Variants in SLC25A48 observed in about 807,000 individuals in gnomAD.
SLC25A48 encodes CTC-321K16.1.
A neutral mutation model predicts 32.2 loss-of-function variants in SLC25A48; 29 were observed. The ratio of observed to expected loss-of-function variants is 0.90; its 90% CI spans 0.67 to 1.23. The LOEUF is 1.23. Among genes scored for constraint, SLC25A48 ranks in the 50% most tolerant of loss-of-function variants. The pLI is 0.00. For synonymous variants in SLC25A48, 164 were observed against 172.3 expected (o/e 0.95, Z 0.38); for missense variants, 399 against 422.7 (o/e 0.94, Z 0.49).
intron 3 of SLC25A48, among the ~76,000 whole-genome samples, chr5:135,726,625 G>A (rs1755097144): frequency 6.6e-6 from 1 of 152,214 alleles, no homozygotes; most frequent in African/African-American, 2.4e-5. Context: ...ACTCCATCCA[G>A]GTTGTTGCAT....
At chr5:135,882,568 C>G (rs942401708) in intron 7 of SLC25A48, among the ~76,000 whole-genome samples, 1 of 152,200 alleles carries the variant, frequency 6.6e-6, no homozygotes, top group Admixed American at 6.5e-5. Flanking sequence ...GATCACCCAG[C>G]TCCCAGCAGT....
intron 3 of SLC25A48, among the ~76,000 whole-genome samples, chr5:135,764,151 G>A (rs967065296): frequency 3.3e-5 from 5 of 152,030 alleles, no homozygotes; most frequent in African/African-American, 1.2e-4. Context: ...GGAGGTAGAG[G>A]ATGATATTTC....
intron 3 of SLC25A48, among the ~76,000 whole-genome samples, chr5:135,670,019 G>C (rs1753618954): frequency 6.6e-6 from 1 of 152,150 alleles, no homozygotes; most frequent in African/African-American, 2.4e-5. Context: ...AGACCTTCCC[G>C]TGATGACTGG....
chr5:135,859,424 C>G (rs993501679), intron 4 of SLC25A48, among the ~76,000 whole-genome samples: 2 of 152,180 alleles, frequency 1.3e-5, no homozygotes, highest in Admixed American at 1.3e-4. Flanking sequence ...CCAGATCCCT[C>G]CCATGACACA....
chr5:135,686,101 G>A (rs1561790449), intron 3 of SLC25A48, among the ~76,000 whole-genome samples: 1 of 152,160 alleles, frequency 6.6e-6, no homozygotes, highest in Non-Finnish European at 1.5e-5. Flanking sequence ...TGGTATTGCA[G>A]TTGGGCAGCC....
chr5:135,770,245 G>A (rs1756370338), intron 3 of SLC25A48, among the ~76,000 whole-genome samples: 1 of 151,296 alleles, frequency 6.6e-6, no homozygotes, highest in South Asian at 2.1e-4. Flanking sequence ...TTAAGAGGAG[G>A]AGAGGATGAT....
chr5:135,812,086 A>AAATAAAT lies in SLC25A48; in HGVS notation c.-520-435_-520-434insTAAATAA, dbSNP rs1554077038. Among the ~76,000 whole-genome samples, 5 of 152,078 alleles carry AAATAAAT rather than the reference A, an allele frequency of 3.3e-5. No homozygotes were observed. In the East Asian group the frequency reaches 9.7e-4, roughly 29 times the overall value. On this transcript the variant is annotated intron_variant, in intron 3 of 10. Coordinates refer to the SLC25A48 transcript ENST00000646290. ...GGCAGAGTGAGACTCTGTCTCAAAAAAAATAAATAAATAAACAAATAAATA... is the reference window on the plus strand; with the variant it reads ...GGCAGAGTGAGACTCTGTCTCAAAAAAATAAATAAATAAATAAATAAACAAATAAATA...
At chr5:135,685,102 G>T (rs190129200) in intron 3 of SLC25A48, among the ~76,000 whole-genome samples, 47 of 152,146 alleles carry the variant, frequency 3.1e-4, no homozygotes, top group Admixed American at 2.0e-3. Context: ...CAATCTGAAA[G>T]GTTAAAAATG....
chr5:135,693,622 G>A (rs998642923), intron 3 of SLC25A48, among the ~76,000 whole-genome samples: 3 of 152,334 alleles, frequency 2.0e-5, no homozygotes, highest in Admixed American at 1.3e-4. Context: ...GGCAAGACAG[G>A]CGCTGAAGCC....
At chr5:135,793,350 A>G (rs1276174705) in intron 3 of SLC25A48, among the ~76,000 whole-genome samples, 1 of 151,704 alleles carries the variant, frequency 6.6e-6, no homozygotes, top group Non-Finnish European at 1.5e-5. Context: ...GAGGGTGTAC[A>G]TCATGTGTGT....
At chr5:135,775,891 A>T (rs1756544790) in intron 3 of SLC25A48, among the ~76,000 whole-genome samples, 1 of 151,370 alleles carries the variant, frequency 6.6e-6, no homozygotes, top group Non-Finnish European at 1.5e-5. Flanking sequence ...GGGGGAGATG[A>T]TGGTATTACG....
intron 3 of SLC25A48, among the ~76,000 whole-genome samples, chr5:135,739,791 T>A (rs1257612095): frequency 6.6e-6 from 1 of 151,994 alleles, no homozygotes; most frequent in Non-Finnish European, 1.5e-5. Flanking sequence ...TTTTTTTTTT[T>A]AAACTACCAC....
At chr5:135,691,378 C>T (rs1754139904) in intron 3 of SLC25A48, among the ~76,000 whole-genome samples, 1 of 152,180 alleles carries the variant, frequency 6.6e-6, no homozygotes, top group Non-Finnish European at 1.5e-5. Context: ...TCCTGGGAAC[C>T]CAGTCCCGTG....
intron 6 of SLC25A48, among the ~76,000 whole-genome samples, chr5:135,878,539 C>G (rs915624715): frequency 2.6e-5 from 4 of 152,154 alleles, no homozygotes; most frequent in Admixed American, 2.6e-4. Flanking sequence ...TGTCCATCAG[C>G]CCCTTTCCCA....
chr5:135,815,192 A>G (rs1172576916), intron 4 of SLC25A48, among the ~76,000 whole-genome samples: 3 of 152,158 alleles, frequency 2.0e-5, no homozygotes, highest in Non-Finnish European at 2.9e-5. Flanking sequence ...TTGGTGGAAG[A>G]CCACTTTTCC....
chr5:135,674,436 A>C (rs1253704154), intron 3 of SLC25A48, among the ~76,000 whole-genome samples: 1 of 151,956 alleles, frequency 6.6e-6, no homozygotes, highest in Non-Finnish European at 1.5e-5. Context: ...ATTACCTCTT[A>C]CCCACAAGCC....
chr5:135,764,691 A>G (rs1756159434), intron 3 of SLC25A48, among the ~76,000 whole-genome samples: 1 of 137,986 alleles, frequency 7.2e-6, no homozygotes, highest in East Asian at 2.3e-4. Context: ...ACCCTGTGAT[A>G]CAATTCATAA....
intron 3 of SLC25A48, among the ~76,000 whole-genome samples, chr5:135,729,932 T>C (rs1238849809): frequency 2.0e-5 from 3 of 152,188 alleles, no homozygotes; most frequent in African/African-American, 4.8e-5. Context: ...ATATGTAATA[T>C]ATATTATGTA....
chr5:135,703,106 T>G lies in SLC25A48; in HGVS notation c.-521+68150T>G, dbSNP rs182785665. Among the ~76,000 whole-genome samples the G allele has an allele frequency of 7.2e-5, 11 of 152,320 alleles. No homozygotes were observed. In the East Asian group the frequency reaches 1.7e-3, roughly 24 times the overall value. On this transcript the variant is annotated intron_variant, in intron 3 of 10. Coordinates refer to the SLC25A48 transcript ENST00000646290. ...GTGAGCAGTGAACAAGATGGTAATA[T>G]GTAATACCGGACAGGGGCCCACGGG...
Sources: allele counts gnomAD v4.1 joint callset (sites outside exome capture counted in the v4.1 genomes callset), GRCh38; gene constraint gnomAD v4.1.1; transcripts MANE v1.5; gene names NCBI Gene and HGNC (gene_info 2026-07-23, HGNC 2026-07-21).